SLC5A4: variants seen among roughly 807,000 people sequenced by gnomAD.
The protein encoded by SLC5A4 is probable glucose sensor protein SLC5A4.
Under a neutral mutation model 70.3 loss-of-function variants are expected in SLC5A4, and 55 were observed. The observed-to-expected ratio is 0.78, with a 90% CI of 0.63 to 0.98. The LOEUF is 0.98. SLC5A4 is among the 50% of genes least tolerant of loss of function. The pLI is 0.00. For missense variants in SLC5A4, 735 were observed against 839.2 expected (o/e 0.88, Z 1.53); for synonymous variants, 268 against 305.7 (o/e 0.88, Z 1.29).
the SLC5A4 span, among the ~76,000 whole-genome samples, chr22:32,283,900 T>C: frequency 2.6e-5 from 4 of 152,220 alleles, no homozygotes; most frequent in Non-Finnish European, 4.4e-5. Flanking sequence ...GGAATGGCCA[T>C]GCTGTGTAAT....
At chr22:32,260,801 A>G in the SLC5A4 span, among the ~76,000 whole-genome samples, 34,501 of 152,186 alleles carry the variant, frequency 0.23, 5,939 homozygotes, top group African/African-American at 0.49. Flanking sequence ...GGCTGGGCAC[A>G]GTGGCTCATG....
Sources: gnomAD v4.1 joint callset for allele counts (sites outside exome capture counted in the v4.1 genomes callset) on GRCh38, gnomAD v4.1.1 for gene constraint, MANE v1.5 for transcripts, NCBI Gene and HGNC (gene_info 2026-07-23, HGNC 2026-07-21) for gene names.